PLPPR1: variants seen among roughly 807,000 people sequenced by gnomAD.
The protein encoded by PLPPR1 is phospholipid phosphatase related 1, also known as phospholipid phosphatase-related protein type 1.
A neutral mutation model predicts 33.1 loss-of-function variants in PLPPR1; 10 were observed. The ratio of observed to expected loss-of-function variants is 0.30; its 90% CI spans 0.19 to 0.51. The LOEUF is 0.51. Ranked by LOEUF, PLPPR1 falls within the 20% of genes least tolerant of loss-of-function variation. PLPPR1 has a pLI of 0.97. For synonymous variants in PLPPR1, 151 were observed against 151.0 expected (o/e 1.00, Z 0.00); for missense variants, 304 against 408.1 (o/e 0.74, Z 2.20).
intron 2 of PLPPR1, among the ~76,000 whole-genome samples, chr9:101,243,075 A>G (rs1452114303): frequency 6.6e-6 from 1 of 152,086 alleles, no homozygotes; most frequent in Non-Finnish European, 1.5e-5. Context: ...AAGGAAAAGC[A>G]TATTAATAGG....
At chr9:101,113,711 AAAC>A (rs1831085940) in intron 1 of PLPPR1, among the ~76,000 whole-genome samples, 2 of 152,214 alleles carry the variant, frequency 1.3e-5, no homozygotes, top group African/African-American at 4.8e-5. Context: ...GCAAAAAACC[AAAC>A]AACAACAAAA....
At chr9:101,140,753 G>A (rs1321062775) in intron 1 of PLPPR1, among the ~76,000 whole-genome samples, 2 of 152,130 alleles carry the variant, frequency 1.3e-5, no homozygotes, top group African/African-American at 4.8e-5. Flanking sequence ...GTTGTGGGGA[G>A]GATGATTTTT....
At chr9:101,273,033 T>C (rs1345856191) in intron 3 of PLPPR1, among the ~76,000 whole-genome samples, 2 of 152,228 alleles carry the variant, frequency 1.3e-5, no homozygotes, top group African/African-American at 4.8e-5. Context: ...TTTAATACAT[T>C]ATGTGCCAGC....
intron 3 of PLPPR1, among the ~76,000 whole-genome samples, chr9:101,270,697 G>T (rs1828081430): frequency 6.6e-6 from 1 of 152,150 alleles, no homozygotes; most frequent in Admixed American, 6.5e-5. Context: ...TTGCTTAACA[G>T]CATAAAGTTT....
chr9:101,274,991 C>T (rs924376586), intron 3 of PLPPR1, among the ~76,000 whole-genome samples: 2 of 152,216 alleles, frequency 1.3e-5, no homozygotes, highest in African/African-American at 2.4e-5. Flanking sequence ...CATTTGGAGG[C>T]TTCCAAACTC....
At chr9:101,136,324 T>C (rs1831376572) in intron 1 of PLPPR1, among the ~76,000 whole-genome samples, 2 of 152,202 alleles carry the variant, frequency 1.3e-5, no homozygotes, top group African/African-American at 4.8e-5. Flanking sequence ...GCGGTCAGTA[T>C]TAGAGTTGAG....
Position 101,320,878 on chromosome 9 carries a change from A to G in PLPPR1, c.946-3147A>G, listed in dbSNP as rs577757106. On this transcript the variant is annotated intron_variant, in intron 7 of 7. Transcript: ENST00000374874. ...CCCAGTCAAAATTAAATGAAGACCC[A>G]TCCAATACTGAGGCCCTGCTGGTTC... 6.6e-5 allele frequency among the ~76,000 whole-genome samples: 10 copies of G among 152,200 alleles called. 1 individual carries two copies. The highest frequency in any genetic ancestry group is 2.0e-4 in the Admixed American group (3 of 15,286).
intron 1 of PLPPR1, among the ~76,000 whole-genome samples, chr9:101,149,102 T>C (rs963798979): frequency 6.6e-6 from 1 of 152,186 alleles, no homozygotes; most frequent in Non-Finnish European, 1.5e-5. Context: ...AGAAATTTGC[T>C]CCACAGAATT....
chr9:101,312,672 G>T (rs1828979768), intron 5 of PLPPR1, 126 bp from the exon 6 acceptor site: 1 of 653,258 alleles, frequency 1.5e-6, no homozygotes, highest in South Asian at 1.9e-5. Flanking sequence ...AGGAATACTA[G>T]TTAGTGTGGT....
chr9:101,209,026 T>A (rs1826637353), intron 2 of PLPPR1, among the ~76,000 whole-genome samples: 1 of 152,214 alleles, frequency 6.6e-6, no homozygotes, highest in African/African-American at 2.4e-5. Flanking sequence ...GAATTCATTT[T>A]AAAAAATTGT....
intron 1 of PLPPR1, among the ~76,000 whole-genome samples, chr9:101,167,467 C>A (rs1290140685): frequency 6.6e-6 from 1 of 151,626 alleles, no homozygotes; most frequent in Non-Finnish European, 1.5e-5. Flanking sequence ...GAATTCTAGT[C>A]TCTCAGGGCA....
chr9:101,263,312 T>A (rs1472990556), intron 2 of PLPPR1, among the ~76,000 whole-genome samples: 2 of 152,142 alleles, frequency 1.3e-5, no homozygotes, highest in African/African-American at 4.8e-5. Context: ...TTGGTTTGCT[T>A]TTGATCTTAT....
At chr9:101,290,372 A>C (rs1030462875) in intron 4 of PLPPR1, among the ~76,000 whole-genome samples, 1 of 152,188 alleles carries the variant, frequency 6.6e-6, no homozygotes, top group African/African-American at 2.4e-5. Flanking sequence ...TCTACTACAA[A>C]TAGTATTTTC....
At chr9:101,322,833 G>A (rs1829180495) in intron 7 of PLPPR1, among the ~76,000 whole-genome samples, 1 of 152,094 alleles carries the variant, frequency 6.6e-6, no homozygotes, top group African/African-American at 2.4e-5. Flanking sequence ...GATCTGATGT[G>A]CATTATATAT....
chr9:101,293,384 G>A (rs1181212578), intron 4 of PLPPR1, among the ~76,000 whole-genome samples: 1 of 151,694 alleles, frequency 6.6e-6, no homozygotes, highest in African/African-American at 2.4e-5. Context: ...GTCAACATTA[G>A]ACAGATCAAC....
chr9:101,191,078 C>A (rs1826289789), intron 2 of PLPPR1, among the ~76,000 whole-genome samples: 1 of 152,074 alleles, frequency 6.6e-6, no homozygotes, highest in Non-Finnish European at 1.5e-5. Context: ...AGGATATAAA[C>A]TTTTCTATCA....
Position 101,183,656 on chromosome 9 carries a change from A to G in PLPPR1, c.-45-1794A>G, listed in dbSNP as rs1330811898. Reference sequence around the variant, plus strand: ...ACTTAAAATGAGTGAATTGGTATATATAAAATATACCTCACTGTAGTTACT... The same window carrying G: ...ACTTAAAATGAGTGAATTGGTATATGTAAAATATACCTCACTGTAGTTACT... On this transcript the variant is annotated intron_variant, in intron 1 of 7. Transcript: ENST00000374874. Among the ~76,000 whole-genome samples, 3 of 151,724 alleles carry G rather than the reference A, an allele frequency of 2.0e-5. No individual in the cohort carries two copies. In the East Asian group the frequency reaches 5.8e-4, roughly 29 times the overall value.
chr9:101,142,299 T>C (rs1454409016), intron 1 of PLPPR1, among the ~76,000 whole-genome samples: 1 of 152,192 alleles, frequency 6.6e-6, no homozygotes, highest in East Asian at 1.9e-4. Flanking sequence ...GTCATACATT[T>C]TGAGTGACTT....
At chr9:101,154,898 G>A (rs975108411) in intron 1 of PLPPR1, among the ~76,000 whole-genome samples, 2 of 146,482 alleles carry the variant, frequency 1.4e-5, no homozygotes, top group Non-Finnish European at 3.0e-5. Flanking sequence ...ACTCATAGGT[G>A]GGAATTGAAC....
Sources: gnomAD v4.1 joint callset for allele counts (sites outside exome capture counted in the v4.1 genomes callset) on GRCh38, gnomAD v4.1.1 for gene constraint, MANE v1.5 for transcripts, NCBI Gene and HGNC (gene_info 2026-07-23, HGNC 2026-07-21) for gene names.